Variants in RICTOR observed in about 807,000 individuals in gnomAD.
RICTOR encodes the protein rapamycin-insensitive companion of mTOR.
Under a neutral mutation model 214.9 loss-of-function variants are expected in RICTOR, and 49 were observed. The ratio of observed to expected loss-of-function variants is 0.23; its 90% CI spans 0.18 to 0.29. The LOEUF (loss-of-function observed/expected upper bound fraction) is 0.29. Among genes scored for constraint, RICTOR ranks in the 10% least tolerant of loss-of-function variants. RICTOR has a pLI of 1.00. For missense variants in RICTOR, 1,625 were observed against 2,047.0 expected (o/e 0.79, Z 3.98); for synonymous variants, 717 against 711.3 (o/e 1.01, Z -0.13).
Position 38,941,770 on chromosome 5 carries a change from C to T in RICTOR, c.*534G>A. ...TAAACCTCTGAAGTAGTGTTACAAA[C>T]ATTAAGAAAAACGTGAAAGGGCCAA... On this transcript the variant is annotated 3_prime_UTR_variant, in exon 38 of 38. Transcript: ENST00000357387. The T allele has an allele frequency of 4.3e-6, 1 of 232,662 alleles. No individual in the cohort carries two copies. The highest frequency in any genetic ancestry group is 8.5e-6 in the Non-Finnish European group (1 of 117,494). The allele number at this position is 232,662 out of a possible 1,614,324, so 14.4% of individuals were successfully genotyped here.
rs140942773 is a variant in RICTOR at position 39,036,552 on chromosome 5, G to A, written c.98-15416C>T. Reference sequence around the variant, plus strand: ...GGATAAAGTATCAAGACCCATCAGTGTGCTGTATTCAGGAAACCCATCTCA... The same window carrying A: ...GGATAAAGTATCAAGACCCATCAGTATGCTGTATTCAGGAAACCCATCTCA... On this transcript the variant is annotated intron_variant, in intron 2 of 37. Coordinates refer to ENST00000357387, the MANE Select transcript of RICTOR (RefSeq NM_152756.5). Among the ~76,000 whole-genome samples the A allele has an allele frequency of 3.5e-3, 533 of 152,236 alleles. 11 individuals are homozygous for A. In the East Asian group the frequency reaches 0.05, roughly 14 times the overall value.
chr5:38,957,769 G>A, intron 24 of RICTOR, 39 bp from the exon 25 acceptor site: 1 of 1,092,708 alleles, frequency 9.2e-7, no homozygotes, highest in Non-Finnish European at 1.4e-6. Context: ...CATTGAGTCT[G>A]GCAAAAACGT....
chr5:39,073,759 G>C (rs1008679690), intron 2 of RICTOR, among the ~76,000 whole-genome samples: 1 of 152,170 alleles, frequency 6.6e-6, no homozygotes. Flanking sequence ...CCTCCCTCCA[G>C]CTGCCCCTAG....
intron 8 of RICTOR, 35 bp from the exon 9 acceptor site, chr5:38,978,685 AT>A (rs1751436558): frequency 7.8e-6 from 8 of 1,025,814 alleles, no homozygotes; most frequent in Non-Finnish European, 1.2e-5. Context: ...AAGAGTCTTT[AT>A]TTTAAAATGC....
At chr5:39,039,610 A>G (rs1425404195) in intron 2 of RICTOR, among the ~76,000 whole-genome samples, 2 of 152,220 alleles carry the variant, frequency 1.3e-5, no homozygotes, top group Non-Finnish European at 2.9e-5. Flanking sequence ...GAAGTCAAAC[A>G]AATTTACAAG....
At chr5:38,949,568 C>A in intron 31 of RICTOR, 144 bp downstream of exon 31, 1 of 1,049,204 alleles carries the variant, frequency 9.5e-7, no homozygotes, top group Non-Finnish European at 1.4e-6. Flanking sequence ...TATCGGGTAA[C>A]AAGGAGCTTA....
intron 3 of RICTOR, among the ~76,000 whole-genome samples, chr5:39,018,828 A>G (rs1221638929): frequency 1.3e-5 from 2 of 152,148 alleles, no homozygotes; most frequent in East Asian, 3.8e-4. Context: ...CTCACTTTAA[A>G]TCACAAATTA....
At chr5:38,989,857 T>A (rs2592305) in intron 7 of RICTOR, among the ~76,000 whole-genome samples, 3 of 152,180 alleles carry the variant, frequency 2.0e-5, no homozygotes, top group Non-Finnish European at 4.4e-5. Context: ...CCAACAAATG[T>A]TAGAGAGGAT....
intron 2 of RICTOR, among the ~76,000 whole-genome samples, chr5:39,055,141 A>G (rs1758114824): frequency 6.6e-6 from 1 of 152,120 alleles, no homozygotes; most frequent in South Asian, 2.1e-4. Context: ...TTATCTCACC[A>G]TATCACACTC....
In RICTOR at chr5:39,025,899, C is replaced by T. The variant is rs1174404951; in HGVS notation, c.98-4763G>A. 2.6e-5 allele frequency among the ~76,000 whole-genome samples: 4 copies of T among 152,120 alleles called. No individual in the cohort carries two copies. The East Asian group carries it at 7.7e-4, about 29-fold the overall frequency. On this transcript the variant is annotated intron_variant, in intron 2 of 37. Coordinates refer to ENST00000357387, the MANE Select transcript of RICTOR (RefSeq NM_152756.5). ...GTTCCAATAAAACAAACTTGGCTCT[C>T]GAGCTGCAGTCTGTCAACCCTTAGA...
chr5:39,029,656 GA>G (rs1043272878), intron 2 of RICTOR, among the ~76,000 whole-genome samples: 6 of 152,152 alleles, frequency 3.9e-5, no homozygotes, highest in Admixed American at 2.6e-4. Context: ...AAAAAGAACT[GA>G]ATTCAAGTCT....
intron 19 of RICTOR, among the ~76,000 whole-genome samples, chr5:38,961,097 C>T (rs1298398292): frequency 6.6e-6 from 1 of 151,214 alleles, no homozygotes; most frequent in Non-Finnish European, 1.5e-5. Flanking sequence ...TAATACAGTA[C>T]ATTTCATACC....
intron 4 of RICTOR, 24 bp downstream of exon 4, chr5:39,003,534 G>T: frequency 6.7e-7 from 1 of 1,485,436 alleles, no homozygotes; most frequent in Non-Finnish European, 9.4e-7. Context: ...AAAGGGATGG[G>T]AGGGGGGAAT....
rs775179034 is a variant in RICTOR, at chr5:38,950,661, C to G, written c.3187G>C (p.Asp1063His). Residue 1063 changes from aspartate to histidine, a missense_variant, in exon 31 of 38, where the codon GAT (aspartate) becomes CAT (histidine). By Grantham distance (81) the Asp-to-His change is moderately conservative (BLOSUM62 -1). This residue lies in a region of RICTOR where 1,214 missense variants were observed against 1,470.5 expected (regional missense o/e 0.83). Transcript: ENST00000357387. ...GSSSTSTFFLDINEDTEPTFY... is the reference protein window; with the variant it reads ...GSSSTSTFFLHINEDTEPTFY... ...GTTGGCTCTGTATCTTCATTGATAT[C>G]AAGGAAAAATGTGCTAGTAGAGCTG... 4 of 1,611,040 alleles carry G rather than the reference C, an allele frequency of 2.5e-6. No individual in the cohort carries two copies. The highest frequency in any genetic ancestry group is 3.4e-6 in the Non-Finnish European group (4 of 1,178,496).
At chr5:39,057,263 T>C (rs1758264187) in intron 2 of RICTOR, among the ~76,000 whole-genome samples, 1 of 152,162 alleles carries the variant, frequency 6.6e-6, no homozygotes, top group African/African-American at 2.4e-5. Flanking sequence ...TTAAAATGTT[T>C]TGAACAATAG....
rs954394668 is a variant in RICTOR, at chr5:39,002,560, A to G, written c.367T>C (p.Leu123=). 3 of 1,610,042 alleles carry G rather than the reference A, an allele frequency of 1.9e-6. No homozygotes were observed. Among genetic ancestry groups the G allele is most frequent in the South Asian group, 2.2e-5 (2 of 90,476 alleles). The part of the protein sequence containing the change: ...DSSILQKVLK[L]KVDYLIARCI... ...CTAGCTATTAAATAGTCCACTTTCA[A>G]TTTTAGCACCTTCTGGAGAATACTG... is the stretch of plus-strand genomic sequence containing the variant. The change falls in exon 5 of 38, where the codon TTG becomes CTG. Residue 123 remains leucine (L), a synonymous_variant. Transcript: ENST00000357387.
At chr5:38,970,215 A>T (rs930835104) in intron 11 of RICTOR, 27 of 152,202 alleles carry the variant, frequency 1.8e-4, no homozygotes, top group African/African-American at 6.3e-4. Context: ...GTTTCTTAGA[A>T]CACATTCCTA....
At position 38,938,164 on chromosome 5, in the gene RICTOR, T is replaced by C. The variant is rs116898658; in HGVS notation, c.*4140A>G. 1.0e-4 allele frequency: 22 copies of C among 218,534 alleles called. No homozygotes were observed. In the East Asian group the frequency reaches 1.5e-3, roughly 15 times the overall value. 13.5% of individuals were successfully genotyped at this position (218,534 alleles called of 1,614,324 possible). On this transcript the variant is annotated 3_prime_UTR_variant, in exon 38 of 38. Transcript: ENST00000357387. ...TTCTTTCTATGTTACAGTTATACAA[T>C]ATAAATCAGATTTCAATGTCTGTTC...
chr5:39,012,560 C>T (rs1019028607), intron 3 of RICTOR, among the ~76,000 whole-genome samples: 6 of 152,176 alleles, frequency 3.9e-5, no homozygotes, highest in African/African-American at 1.4e-4. Flanking sequence ...GCTAATTAAT[C>T]TTCAACAATT....
Sources: allele counts gnomAD v4.1 joint callset (sites outside exome capture counted in the v4.1 genomes callset), GRCh38; gene constraint gnomAD v4.1.1; regional missense constraint gnomAD v4.1.1; transcripts MANE v1.5; gene names NCBI Gene and HGNC (gene_info 2026-07-23, HGNC 2026-07-21).